Variants in HSPA12A observed in about 807,000 individuals in gnomAD.
The protein encoded by HSPA12A is heat shock protein family A (Hsp70) member 12A.
A neutral mutation model predicts 69.2 loss-of-function variants in HSPA12A; 28 were observed. The observed-to-expected ratio is 0.40, with a 90% confidence interval of 0.30 to 0.55. The LOEUF (loss-of-function observed/expected upper bound fraction) is 0.55. Ranked by LOEUF, HSPA12A falls within the 20% of genes least tolerant of loss-of-function variation. The pLI is 0.38. For synonymous variants in HSPA12A, 345 were observed against 370.5 expected (o/e 0.93, Z 0.79); for missense variants, 686 against 900.7 (o/e 0.76, Z 3.05).
intron 2 of HSPA12A, chr10:116,831,902 A>G (rs1845622883): frequency 1.3e-5 from 2 of 152,270 alleles, no homozygotes; most frequent in Admixed American, 6.5e-5. Context: ...ACAACTGTTC[A>G]CCCTCAAAGT....
intron 1 of HSPA12A, among the ~76,000 whole-genome samples, chr10:116,845,162 C>A (rs1260632789): frequency 1.3e-5 from 2 of 152,094 alleles, no homozygotes; most frequent in South Asian, 2.1e-4. Context: ...TGATGGCTTG[C>A]CCATAAATGT....
chr10:116,829,112 A>C (rs1845564314), intron 2 of HSPA12A: 1 of 152,186 alleles, frequency 6.6e-6, no homozygotes, highest in South Asian at 2.1e-4. Flanking sequence ...CCCACGTGTC[A>C]AGGGCAGGGC....
At chr10:116,849,987 G>A (rs903017248), upstream of HSPA12A, 8 of 664,516 alleles carry the variant, frequency 1.2e-5, no homozygotes, top group Admixed American at 2.2e-5. Flanking sequence ...TTGACCTGCA[G>A]CGGCAGCCCA....
Position 116,674,706 on chromosome 10 carries a change from G to A in HSPA12A, c.*75C>T, listed in dbSNP as rs1225269654. ...GGCAATGGTGAGGGTCAAGGTTAGGGAAAGAACAGTCAAGGTTGAGGTCAG... is the reference window on the plus strand; with the variant it reads ...GGCAATGGTGAGGGTCAAGGTTAGGAAAAGAACAGTCAAGGTTGAGGTCAG... On this transcript the variant is annotated 3_prime_UTR_variant, in exon 12 of 12. Transcript: ENST00000369209. 1 of 1,455,506 alleles carries A rather than the reference G, an allele frequency of 6.9e-7. No homozygotes were observed. Among genetic ancestry groups the A allele is most frequent in the South Asian group, 1.3e-5 (1 of 79,092 alleles). 90.2% of individuals were successfully genotyped at this position (1,455,506 alleles called of 1,614,324 possible).
At chr10:116,699,875 C>T (rs148772148) in intron 4 of HSPA12A, among the ~76,000 whole-genome samples, 275 of 152,370 alleles carry the variant, frequency 1.8e-3, no homozygotes, top group African/African-American at 5.4e-3. Context: ...ACAACCACGC[C>T]GATGGGCACA....
intron 2 of HSPA12A, among the ~76,000 whole-genome samples, chr10:116,795,099 A>C (rs921224958): frequency 3.3e-5 from 5 of 152,150 alleles, no homozygotes; most frequent in Non-Finnish European, 7.4e-5. Flanking sequence ...ATAAAAGCAA[A>C]ATAAACCCAA....
intron 10 of HSPA12A, among the ~76,000 whole-genome samples, chr10:116,677,168 G>A (rs545822896): frequency 2.6e-5 from 4 of 152,286 alleles, no homozygotes; most frequent in South Asian, 2.1e-4. Context: ...CCTCCTTCAC[G>A]GGGGTTGTTG....
At chr10:116,694,403 C>T (rs529173679) in intron 5 of HSPA12A, among the ~76,000 whole-genome samples, 6 of 152,304 alleles carry the variant, frequency 3.9e-5, no homozygotes, top group Admixed American at 6.5e-5. Context: ...AATTTATTCA[C>T]GGCATATTCC....
chr10:116,690,462 A>G (rs1353670673), intron 6 of HSPA12A, among the ~76,000 whole-genome samples: 2 of 152,348 alleles, frequency 1.3e-5, no homozygotes, highest in African/African-American at 2.4e-5. Context: ...GCGGCTGTCA[A>G]TGGAACAAAG....
chr10:116,681,126 A>G, intron 9 of HSPA12A, 26 bp downstream of exon 9: 5 of 1,523,834 alleles, frequency 3.3e-6, no homozygotes, highest in Non-Finnish European at 4.6e-6. Context: ...CTCAGGAATA[A>G]GAAAATTAGC....
chr10:116,771,354 C>T (rs541568897), intron 2 of HSPA12A, among the ~76,000 whole-genome samples: 51 of 152,246 alleles, frequency 3.3e-4, no homozygotes, highest in Admixed American at 9.8e-4. Flanking sequence ...GGGGCCCTGA[C>T]GAGATACTGG....
intron 2 of HSPA12A, among the ~76,000 whole-genome samples, chr10:116,760,087 C>T (rs896939889): frequency 1.3e-5 from 2 of 152,112 alleles, no homozygotes; most frequent in African/African-American, 4.8e-5. Flanking sequence ...ACCCAGGATC[C>T]ACTCATTCTC....
At chr10:116,685,361 G>A (rs535943642) in intron 6 of HSPA12A, among the ~76,000 whole-genome samples, 169 of 152,172 alleles carry the variant, frequency 1.1e-3, no homozygotes, top group African/African-American at 3.9e-3. Flanking sequence ...GTGGCCAGGC[G>A]TGGTGGCTCA....
intron 1 of HSPA12A, among the ~76,000 whole-genome samples, chr10:116,711,818 C>A (rs1021811032): frequency 6.6e-6 from 1 of 151,340 alleles, no homozygotes; most frequent in Non-Finnish European, 1.5e-5. Flanking sequence ...CGCCTGCCAA[C>A]GCGCCCAGCT....
chr10:116,679,377 C>T, intron 10 of HSPA12A, 126 bp downstream of exon 10: 1 of 1,149,864 alleles, frequency 8.7e-7, no homozygotes, highest in Non-Finnish European at 1.2e-6. Flanking sequence ...AAGTTGAGTC[C>T]CTTGCCCAAG....
rs991173561 is a variant in HSPA12A, at chr10:116,671,718, G to A, written c.*3063C>T. On this transcript the variant is annotated 3_prime_UTR_variant, in exon 12 of 12. Coordinates refer to ENST00000369209, the MANE Select transcript of HSPA12A (RefSeq NM_025015.3). ...TACTCAGCATTTATTCATGCCTGCT[G>A]TGTACGGAAAGGGCAGTTACAAAGG... The A allele has an allele frequency of 6.6e-6, 1 of 152,640 alleles. No homozygotes were observed. The highest frequency in any genetic ancestry group is 1.5e-5 in the Non-Finnish European group (1 of 68,036). The allele number at this position is 152,640 out of a possible 1,614,324, so 9.5% of individuals were successfully genotyped here. A position where few individuals can be genotyped will look rare whatever the true frequency, so the allele number is the denominator to read the frequency against.
Position 116,674,672 on chromosome 10 carries a change from A to T in HSPA12A, c.*109T>A, listed in dbSNP as rs1243300157. 1.8e-6 allele frequency: 2 copies of T among 1,132,860 alleles called. No individual in the cohort carries two copies. Among genetic ancestry groups the T allele is most frequent in the Non-Finnish European group, 2.5e-6 (2 of 797,640 alleles). 70.2% of individuals were successfully genotyped at this position (1,132,860 alleles called of 1,614,324 possible). A position where few individuals can be genotyped will look rare whatever the true frequency, so the allele number is the denominator to read the frequency against. On this transcript the variant is annotated 3_prime_UTR_variant, in exon 12 of 12. Coordinates refer to ENST00000369209, the MANE Select transcript of HSPA12A (RefSeq NM_025015.3). ...GATTGTTCTCATCTTCCCTGCTGAA[A>T]TTCACATGGGCAATGGTGAGGGTCA...
At chr10:116,694,146 G>A (rs1849814397) in intron 5 of HSPA12A, among the ~76,000 whole-genome samples, 1 of 152,192 alleles carries the variant, frequency 6.6e-6, no homozygotes, top group Admixed American at 6.5e-5. Context: ...AGCGGGTAGG[G>A]AACAGCTTGG....
At chr10:116,758,788 G>A (rs1255402310) in intron 2 of HSPA12A, among the ~76,000 whole-genome samples, 1 of 152,176 alleles carries the variant, frequency 6.6e-6, no homozygotes, top group Non-Finnish European at 1.5e-5. Context: ...TGAAGAATTA[G>A]AGAAACTGAA....
Sources: gnomAD v4.1 joint callset for allele counts (sites outside exome capture counted in the v4.1 genomes callset) on GRCh38, gnomAD v4.1.1 for gene constraint, MANE v1.5 for transcripts, NCBI Gene and HGNC (gene_info 2026-07-23, HGNC 2026-07-21) for gene names.